The following EGFLAM variants were observed in gnomAD, a reference collection of about 807,000 sequenced individuals.
EGFLAM encodes EGF like, fibronectin type III and laminin G domains, also known as pikachurin.
A neutral mutation model predicts 113.1 loss-of-function variants in EGFLAM; 79 were observed. The ratio of observed to expected loss-of-function variants is 0.70; its 90% CI spans 0.58 to 0.84. The LOEUF is 0.84. Ranked by LOEUF, EGFLAM falls within the 40% of genes least tolerant of loss-of-function variation. EGFLAM has a pLI of 0.00. For missense variants in EGFLAM, 1,265 were observed against 1,291.6 expected (o/e 0.98, Z 0.32); for synonymous variants, 504 against 487.6 (o/e 1.03, Z -0.44).
At chr5:38,309,973 A>G (rs1738380996) in intron 1 of EGFLAM, among the ~76,000 whole-genome samples, 1 of 152,230 alleles carries the variant, frequency 6.6e-6, no homozygotes, top group Admixed American at 6.5e-5. Flanking sequence ...CGATGGCTCA[A>G]GTAGGCCATG....
chr5:38,352,504 G>T (rs1175695039), intron 5 of EGFLAM, among the ~76,000 whole-genome samples, 173 bp downstream of exon 5: 5 of 152,052 alleles, frequency 3.3e-5, no homozygotes, highest in Non-Finnish European at 5.9e-5. Flanking sequence ...AAAATTAGCT[G>T]GGCGTGATGG....
chr5:38,309,787 G>A (rs183676068), intron 1 of EGFLAM, among the ~76,000 whole-genome samples: 45 of 152,216 alleles, frequency 3.0e-4, no homozygotes, highest in African/African-American at 7.0e-4. Flanking sequence ...CTCTCACTCC[G>A]GTACAACATC....
chr5:38,407,160 G>A lies in EGFLAM; in HGVS notation c.1147+14G>A. 1.3e-6 allele frequency: 2 copies of A among 1,577,738 alleles called. No individual in the cohort carries two copies. The highest frequency in any genetic ancestry group is 1.7e-6 in the Non-Finnish European group (2 of 1,172,726). On this transcript the variant is annotated intron_variant, in intron 8 of 21. Transcript: ENST00000322350. ...GCTGCTCAGAAGGTAGGCCCTTGGG[G>A]GAGAGGAAGAAGTGGTGATGAATTG...
intron 1 of EGFLAM, among the ~76,000 whole-genome samples, chr5:38,280,548 GTC>G (rs1485098848): frequency 1.3e-5 from 2 of 152,114 alleles, no homozygotes; most frequent in African/African-American, 4.8e-5. Context: ...CCACAGCTGT[GTC>G]TCTCTACAAC....
chr5:38,394,519 C>G (rs953600427), intron 6 of EGFLAM, among the ~76,000 whole-genome samples: 36 of 151,800 alleles, frequency 2.4e-4, no homozygotes, highest in Non-Finnish European at 4.3e-4. Context: ...ACGCCATTCT[C>G]CTGCCTCAGC....
chr5:38,454,828 C>G (rs1488392733), intron 19 of EGFLAM, among the ~76,000 whole-genome samples: 1 of 152,078 alleles, frequency 6.6e-6, no homozygotes, highest in Non-Finnish European at 1.5e-5. Context: ...ATTTAGTGCT[C>G]AAAGGCTTTC....
At chr5:38,328,694 T>A (rs1738952353) in intron 1 of EGFLAM, among the ~76,000 whole-genome samples, 1 of 150,846 alleles carries the variant, frequency 6.6e-6, no homozygotes. Context: ...ATTTGAATAT[T>A]TCCCCATGTG....
chr5:38,428,471 T>C (rs1029141499), intron 14 of EGFLAM, among the ~76,000 whole-genome samples: 1 of 152,228 alleles, frequency 6.6e-6, no homozygotes, highest in Non-Finnish European at 1.5e-5. Flanking sequence ...TCAAGACAAC[T>C]TTGGTGGGGA....
intron 7 of EGFLAM, among the ~76,000 whole-genome samples, chr5:38,406,461 C>T (rs559625193): frequency 1.8e-4 from 27 of 152,298 alleles, no homozygotes; most frequent in Non-Finnish European, 3.1e-4. Flanking sequence ...CTCCTGCCTG[C>T]GGACTTCACA....
intron 5 of EGFLAM, among the ~76,000 whole-genome samples, chr5:38,367,141 T>G (rs1740081677): frequency 6.6e-6 from 1 of 152,104 alleles, no homozygotes; most frequent in Non-Finnish European, 1.5e-5. Flanking sequence ...TGGCTGCCCA[T>G]GTTTTTGTTG....
intron 10 of EGFLAM, among the ~76,000 whole-genome samples, chr5:38,412,192 C>T (rs1355638384): frequency 1.3e-5 from 2 of 152,088 alleles, no homozygotes; most frequent in African/African-American, 2.4e-5. Context: ...GTACAGATCC[C>T]GTCATGCAGG....
At chr5:38,258,950 C>A in intron 1 of EGFLAM, 99 bp downstream of exon 1, 1 of 1,277,386 alleles carries the variant, frequency 7.8e-7, no homozygotes, top group Non-Finnish European at 1.1e-6. Flanking sequence ...TCCCTCTCCC[C>A]GACCAACGTC....
chr5:38,357,267 A>G (rs1056457652), intron 5 of EGFLAM, among the ~76,000 whole-genome samples: 69 of 152,200 alleles, frequency 4.5e-4, no homozygotes, highest in Admixed American at 4.0e-3. Context: ...TAAAGAAAAG[A>G]AGGCAGACCC....
At chr5:38,336,018 A>G (rs1052932972) in intron 1 of EGFLAM, among the ~76,000 whole-genome samples, 3 of 152,226 alleles carry the variant, frequency 2.0e-5, no homozygotes, top group African/African-American at 4.8e-5. Context: ...TGAACAAGAT[A>G]GACCTGGTCC....
intron 1 of EGFLAM, among the ~76,000 whole-genome samples, chr5:38,332,866 G>C (rs1338962472): frequency 6.6e-6 from 1 of 152,208 alleles, no homozygotes; most frequent in Non-Finnish European, 1.5e-5. Flanking sequence ...ACAACCTTCA[G>C]TGTGCGCGTC....
chr5:38,387,211 C>T (rs929414739), intron 6 of EGFLAM, among the ~76,000 whole-genome samples: 2 of 152,188 alleles, frequency 1.3e-5, no homozygotes, highest in Non-Finnish European at 2.9e-5. Context: ...ACCCATCCTG[C>T]AGCTCACTGT....
intron 5 of EGFLAM, among the ~76,000 whole-genome samples, chr5:38,366,319 T>A (rs759874318): frequency 6.6e-6 from 1 of 152,224 alleles, no homozygotes; most frequent in East Asian, 1.9e-4. Flanking sequence ...TGTGCTATTT[T>A]GCGCTGGCTT....
At position 38,352,332 on chromosome 5, in the gene EGFLAM, G is replaced by A; in HGVS notation, c.545+1G>A. On this transcript the variant is annotated splice_donor_variant, in intron 5 of 21. Coordinates refer to ENST00000322350, the MANE Select transcript of EGFLAM (RefSeq NM_152403.4). LOFTEE classifies it high-confidence loss of function. ...AGTACTATTCTGTGGAATTCATCAG[G>A]TAAGTCTGTATGTCACATTCAAAAG... is the stretch of plus-strand genomic sequence containing the variant. 3 of 1,613,882 alleles carry A rather than the reference G, an allele frequency of 1.9e-6. No individual in the cohort carries two copies. Among genetic ancestry groups the A allele is most frequent in the East Asian group, 2.2e-5 (1 of 44,856 alleles).
chr5:38,341,386 A>C (rs1739332747), intron 3 of EGFLAM, among the ~76,000 whole-genome samples: 1 of 152,194 alleles, frequency 6.6e-6, no homozygotes, highest in East Asian at 1.9e-4. Flanking sequence ...CCCCTTATAA[A>C]ATCATCAGCT....
Sources: allele counts gnomAD v4.1 joint callset (sites outside exome capture counted in the v4.1 genomes callset), GRCh38; gene constraint gnomAD v4.1.1; transcripts MANE v1.5; gene names NCBI Gene and HGNC (gene_info 2026-07-23, HGNC 2026-07-21).